The following THSD4 variants were observed in gnomAD, a reference collection of about 807,000 sequenced individuals.
The protein encoded by THSD4 is thrombospondin type 1 domain containing 4.
Under a neutral mutation model 119.0 loss-of-function variants are expected in THSD4, and 69 were observed. The observed-to-expected ratio is 0.58, with a 90% CI of 0.48 to 0.71. The LOEUF (loss-of-function observed/expected upper bound fraction) is 0.71. THSD4 is among the 30% of genes least tolerant of loss of function. The pLI is 0.00. For synonymous variants in THSD4, 524 were observed against 540.4 expected (o/e 0.97, Z 0.42); for missense variants, 1,393 against 1,391.1 (o/e 1.00, Z -0.02).
chr15:71,669,711 C>T (rs1488871597), intron 8 of THSD4, among the ~76,000 whole-genome samples: 1 of 152,174 alleles, frequency 6.6e-6, no homozygotes, highest in African/African-American at 2.4e-5. Flanking sequence ...TTGCTTTCCT[C>T]CACAATTACT....
chr15:71,293,135 T>TAA lies in THSD4; in HGVS notation c.1015+36420_1015+36421insAA, dbSNP rs555011187. On this transcript the variant is annotated intron_variant, in intron 6 of 17. Transcript: ENST00000261862. ...TATCCATATTGGACAGGTCGAAAGT[T>TAA]CTACGTGCATGTGCTGCAGATGCCC... Among the ~76,000 whole-genome samples, 309 of 152,316 alleles carry TAA rather than the reference T, an allele frequency of 2.0e-3. 2 individuals are homozygous for TAA. Among genetic ancestry groups the TAA allele is most frequent in the Middle Eastern group, 6.8e-3 (2 of 294 alleles).
chr15:71,488,983 T>C (rs2047868850), intron 7 of THSD4, among the ~76,000 whole-genome samples: 1 of 152,238 alleles, frequency 6.6e-6, no homozygotes, highest in African/African-American at 2.4e-5. Context: ...TTTGCTGTCA[T>C]CTGAGATTTG....
At chr15:71,762,394 G>A (rs2053642006) in intron 15 of THSD4, among the ~76,000 whole-genome samples, 2 of 152,202 alleles carry the variant, frequency 1.3e-5, no homozygotes, top group African/African-American at 4.8e-5. Context: ...TAGTACAGAT[G>A]TAGGATCTCA....
At chr15:71,174,670 C>T (rs1485410161) in intron 3 of THSD4, among the ~76,000 whole-genome samples, 10 of 131,180 alleles carry the variant, frequency 7.6e-5, no homozygotes, top group Admixed American at 2.4e-4. Flanking sequence ...TCTGTAGGCT[C>T]CACCTCTGGG....
chr15:71,461,188 G>C (rs934809677), intron 7 of THSD4, among the ~76,000 whole-genome samples: 1 of 152,198 alleles, frequency 6.6e-6, no homozygotes, highest in Non-Finnish European at 1.5e-5. Context: ...TTGTTTGCAA[G>C]ATGTCTCACT....
At chr15:71,341,501 G>A (rs201687196) in intron 6 of THSD4, 48 of 1,612,406 alleles carry the variant, frequency 3.0e-5, no homozygotes, top group South Asian at 5.5e-5. Context: ...CTTGGCCTGC[G>A]CACACCTGCC....
At chr15:71,390,489 G>A (rs555002145) in intron 6 of THSD4, among the ~76,000 whole-genome samples, 1 of 152,124 alleles carries the variant, frequency 6.6e-6, no homozygotes, top group Admixed American at 6.6e-5. Context: ...CTTTACATAA[G>A]TCTACAGAGG....
At chr15:71,298,425 A>T (rs914951420) in intron 6 of THSD4, among the ~76,000 whole-genome samples, 1 of 152,048 alleles carries the variant, frequency 6.6e-6, no homozygotes, top group Non-Finnish European at 1.5e-5. Flanking sequence ...TTAACCAGCC[A>T]TCCCACTGTT....
intron 6 of THSD4, among the ~76,000 whole-genome samples, chr15:71,387,214 A>G (rs1196849198): frequency 2.0e-5 from 3 of 152,098 alleles, no homozygotes; most frequent in African/African-American, 7.2e-5. Context: ...GTTAAAAAAA[A>G]AAACAGGCTG....
At chr15:71,138,642 A>G (rs985226160) in intron 1 of THSD4, among the ~76,000 whole-genome samples, 1 of 151,604 alleles carries the variant, frequency 6.6e-6, no homozygotes, top group Non-Finnish European at 1.5e-5. Flanking sequence ...TCTCCCTGGG[A>G]TGCTTCCCTC....
intron 7 of THSD4, among the ~76,000 whole-genome samples, chr15:71,551,365 G>A (rs565767513): frequency 9.2e-5 from 14 of 152,268 alleles, no homozygotes; most frequent in South Asian, 6.3e-4. Context: ...GAATGATCAT[G>A]CAATAAGGGT....
At chr15:71,140,118 T>G (rs1342580918) in intron 1 of THSD4, among the ~76,000 whole-genome samples, 1 of 152,228 alleles carries the variant, frequency 6.6e-6, no homozygotes, top group Non-Finnish European at 1.5e-5. Flanking sequence ...GTATTTTAAG[T>G]GTTGTTTGAC....
chr15:71,484,257 A>C (rs2047780074), intron 7 of THSD4, among the ~76,000 whole-genome samples: 1 of 152,222 alleles, frequency 6.6e-6, no homozygotes, highest in Non-Finnish European at 1.5e-5. Flanking sequence ...TAGTTGACTC[A>C]TGAGGAACCT....
chr15:71,412,603 TG>T (rs2046704851), intron 7 of THSD4, among the ~76,000 whole-genome samples: 1 of 152,198 alleles, frequency 6.6e-6, no homozygotes, highest in South Asian at 2.1e-4. Context: ...TATAGCTAGC[TG>T]GCAGACCGAT....
chr15:71,508,397 T>C (rs2048225735), intron 7 of THSD4, among the ~76,000 whole-genome samples: 2 of 152,198 alleles, frequency 1.3e-5, no homozygotes, highest in African/African-American at 4.8e-5. Flanking sequence ...GCAGAGGACT[T>C]CTTCCCCAGG....
chr15:71,419,143 C>G (rs1358681542), intron 7 of THSD4, among the ~76,000 whole-genome samples: 1 of 106,932 alleles, frequency 9.4e-6, no homozygotes, highest in Non-Finnish European at 2.1e-5. Context: ...GTATTGTTTT[C>G]TTCATTTCAA....
intron 3 of THSD4, among the ~76,000 whole-genome samples, chr15:71,166,701 C>T (rs1336864546): frequency 2.0e-5 from 3 of 152,098 alleles, no homozygotes; most frequent in African/African-American, 7.2e-5. Flanking sequence ...CGGTGCTTTC[C>T]AGTGTACTTC....
chr15:71,326,590 T>G (rs1160878970), intron 6 of THSD4, among the ~76,000 whole-genome samples: 1 of 142,910 alleles, frequency 7.0e-6, no homozygotes, highest in Non-Finnish European at 1.5e-5. Context: ...AGGAGAATTG[T>G]TTGAACCTGG....
chr15:71,345,639 C>A (rs2045645510), intron 6 of THSD4, among the ~76,000 whole-genome samples: 1 of 152,030 alleles, frequency 6.6e-6, no homozygotes. Flanking sequence ...CAGGTCCAGG[C>A]CTCAGCTTTG....
Sources: allele counts gnomAD v4.1 joint callset (sites outside exome capture counted in the v4.1 genomes callset), GRCh38; gene constraint gnomAD v4.1.1; transcripts MANE v1.5; gene names NCBI Gene and HGNC (gene_info 2026-07-23, HGNC 2026-07-21).